Variants in PANX1 observed in about 807,000 individuals in gnomAD.
PANX1 encodes the protein pannexin 1.
A neutral mutation model predicts 38.7 loss-of-function variants in PANX1; 30 were observed. The ratio of observed to expected loss-of-function variants is 0.78; its 90% confidence interval spans 0.58 to 1.05. The LOEUF (loss-of-function observed/expected upper bound fraction) is 1.05. Among genes scored for constraint, PANX1 ranks in the 50% least tolerant of loss-of-function variants. The pLI is 0.00. For synonymous variants in PANX1, 230 were observed against 212.2 expected (o/e 1.08, Z -0.73); for missense variants, 551 against 517.2 (o/e 1.07, Z -0.63).
chr11:94,154,098 A>G (rs975148770), intron 2 of PANX1, among the ~76,000 whole-genome samples: 1 of 152,186 alleles, frequency 6.6e-6, no homozygotes, highest in South Asian at 2.1e-4. Context: ...ACGTTACTGG[A>G]ACATCAAAAA....
intron 2 of PANX1, among the ~76,000 whole-genome samples, chr11:94,157,567 C>T (rs1431345277): frequency 3.3e-5 from 5 of 152,108 alleles, no homozygotes; most frequent in African/African-American, 1.2e-4. Flanking sequence ...GTCCTTCGCC[C>T]ACTTTTTGAT....
At chr11:94,155,998 T>C (rs1179154517) in intron 2 of PANX1, among the ~76,000 whole-genome samples, 1 of 152,228 alleles carries the variant, frequency 6.6e-6, no homozygotes, top group Non-Finnish European at 1.5e-5. Context: ...TTTGTTATAG[T>C]GTTCTCATGA....
At chr11:94,142,134 C>T (rs1054647281) in intron 1 of PANX1, among the ~76,000 whole-genome samples, 4 of 152,160 alleles carry the variant, frequency 2.6e-5, no homozygotes, top group Non-Finnish European at 5.9e-5. Context: ...GTGGGGCAAG[C>T]TCACAGCCCA....
In PANX1 at chr11:94,144,661, G is replaced by A. The variant is rs376056715; in HGVS notation, c.182-8830G>A. Among the ~76,000 whole-genome samples, 198 of 152,182 alleles carry A rather than the reference G, an allele frequency of 1.3e-3. 2 individuals are homozygous for A. The highest frequency in any genetic ancestry group is 3.8e-3 in the African/African-American group (157 of 41,522). Reference sequence around the variant, plus strand: ...CCTTTCTTGCTGCTGCTTGTGTTACGGGCTGGCCTGGCATTCCACAGTGCC... The same window carrying A: ...CCTTTCTTGCTGCTGCTTGTGTTACAGGCTGGCCTGGCATTCCACAGTGCC... On this transcript the variant is annotated intron_variant, in intron 1 of 4. Transcript: ENST00000227638.
chr11:94,153,673 A>G, intron 2 of PANX1, 43 bp downstream of exon 2: 4 of 1,572,894 alleles, frequency 2.5e-6, no homozygotes, highest in Non-Finnish European at 2.6e-6. Flanking sequence ...TGCTTTATAG[A>G]TAAGGAAACT....
In PANX1 at chr11:94,179,861, G is replaced by A. The variant is rs1335924320; in HGVS notation, c.805G>A (p.Ala269Thr). The A allele has an allele frequency of 1.2e-5, 20 of 1,613,984 alleles. No individual in the cohort carries two copies. ...VPDQFQCKLI[A>T]VGIFQLLSVI... ...CGATCAGTTTCAGTGCAAACTCATTGCCGTGGGCATCTTCCAGTTGCTCAG... is the reference window on the plus strand; with the variant it reads ...CGATCAGTTTCAGTGCAAACTCATTACCGTGGGCATCTTCCAGTTGCTCAG... The change falls in exon 4 of 5, where the codon GCC (alanine) becomes ACC (threonine). Residue 269 changes from alanine (A) to threonine (T), a missense_variant. By Grantham distance (58) the Ala-to-Thr change is moderately conservative. Coordinates refer to ENST00000227638, the MANE Select transcript of PANX1 (RefSeq NM_015368.4).
chr11:94,163,712 G>T (rs1481609687), intron 2 of PANX1, among the ~76,000 whole-genome samples: 1 of 152,112 alleles, frequency 6.6e-6, no homozygotes, highest in African/African-American at 2.4e-5. Flanking sequence ...TTGGTGTCAT[G>T]GTTAAGACTG....
intron 1 of PANX1, among the ~76,000 whole-genome samples, chr11:94,136,546 C>T (rs537473148): frequency 4.2e-4 from 64 of 152,198 alleles, no homozygotes; most frequent in African/African-American, 1.4e-3. Context: ...TTTGGGAGGC[C>T]GACGTGGGCG....
chr11:94,156,795 A>C (rs1302084281), intron 2 of PANX1, among the ~76,000 whole-genome samples: 1 of 150,050 alleles, frequency 6.7e-6, no homozygotes, highest in African/African-American at 2.5e-5. Context: ...TTACATATGT[A>C]TACTTGTGCC....
chr11:94,175,836 C>T lies in PANX1; in HGVS notation c.322-2533C>T, dbSNP rs1357044583. 3 of 984,640 alleles carry T rather than the reference C, an allele frequency of 3.0e-6. 1 individual carries two copies. The highest frequency in any genetic ancestry group is 3.5e-5 in the African/African-American group (2 of 56,652). 61.0% of individuals were successfully genotyped at this position (984,640 alleles called of 1,614,324 possible). On this transcript the variant is annotated intron_variant, in intron 2 of 4. Coordinates refer to ENST00000227638, the MANE Select transcript of PANX1 (RefSeq NM_015368.4). ...CAGCCCTTTGCAAATTGGGTTAATACTTTTGAAACACCTCATCCCGTGCCA... is the reference window on the plus strand; with the variant it reads ...CAGCCCTTTGCAAATTGGGTTAATATTTTTGAAACACCTCATCCCGTGCCA...
At chr11:94,134,510 G>A (rs1385925556) in intron 1 of PANX1, among the ~76,000 whole-genome samples, 5 of 152,194 alleles carry the variant, frequency 3.3e-5, no homozygotes. Context: ...ATATGTCGAA[G>A]TCCTGATCCC....
chr11:94,147,055 G>C (rs1195148954), intron 1 of PANX1, among the ~76,000 whole-genome samples: 1 of 152,158 alleles, frequency 6.6e-6, no homozygotes, highest in Non-Finnish European at 1.5e-5. Flanking sequence ...GAGGGTGTAT[G>C]GCAGAGTGTT....
intron 1 of PANX1, among the ~76,000 whole-genome samples, chr11:94,145,589 C>CAG (rs1468212739): frequency 6.6e-6 from 1 of 152,216 alleles, no homozygotes; most frequent in Admixed American, 6.5e-5. Flanking sequence ...AGATTCCTTG[C>CAG]AGACATGTGC....
At chr11:94,164,990 C>G (rs1947087200) in intron 2 of PANX1, among the ~76,000 whole-genome samples, 1 of 152,158 alleles carries the variant, frequency 6.6e-6, no homozygotes, top group Admixed American at 6.5e-5. Flanking sequence ...ACATGTATAG[C>G]TATTCCCGCT....
rs1047093928 is a variant in PANX1 at position 94,129,149 on chromosome 11, C to G, written c.-164C>G. ...CGAGCGCGAGAGCCCAGCGGAGTCG[C>G]TGGGAGCCTGAGGCACCGAGACACA... On this transcript the variant is annotated 5_prime_UTR_variant, in exon 1 of 5. Transcript: ENST00000227638. The G allele has an allele frequency of 2.0e-5, 11 of 541,432 alleles. No individual in the cohort carries two copies. The highest frequency in any genetic ancestry group is 1.8e-4 in the African/African-American group (9 of 49,812). The allele number at this position is 541,432 out of a possible 1,614,324, so 33.5% of individuals were successfully genotyped here. A position where few individuals can be genotyped will look rare whatever the true frequency, so the allele number is the denominator to read the frequency against.
intron 2 of PANX1, among the ~76,000 whole-genome samples, chr11:94,176,442 C>T (rs977414011): frequency 1.3e-5 from 2 of 151,648 alleles, no homozygotes; most frequent in Admixed American, 6.6e-5. Flanking sequence ...AAAACTACTA[C>T]TGTACTTTAC....
At chr11:94,141,860 G>A (rs930455637) in intron 1 of PANX1, among the ~76,000 whole-genome samples, 1 of 152,140 alleles carries the variant, frequency 6.6e-6, no homozygotes, top group African/African-American at 2.4e-5. Flanking sequence ...GTCACAGGGT[G>A]AGAATTAAAT....
intron 1 of PANX1, among the ~76,000 whole-genome samples, chr11:94,137,341 C>G (rs937594205): frequency 1.3e-5 from 2 of 152,178 alleles, no homozygotes; most frequent in African/African-American, 4.8e-5. Flanking sequence ...GAAAATAGGC[C>G]TTAGGACCTT....
chr11:94,155,376 T>C (rs1011714427), intron 2 of PANX1, among the ~76,000 whole-genome samples: 9 of 146,276 alleles, frequency 6.2e-5, no homozygotes, highest in Admixed American at 1.4e-4. Context: ...AAGCCAGGCA[T>C]GCTGGTGCAT....
Sources: allele counts gnomAD v4.1 joint callset (sites outside exome capture counted in the v4.1 genomes callset), GRCh38; gene constraint gnomAD v4.1.1; transcripts MANE v1.5; gene names NCBI Gene and HGNC (gene_info 2026-07-23, HGNC 2026-07-21).